NAV3: variants seen among roughly 807,000 people sequenced by gnomAD.
The protein encoded by NAV3 is neuron navigator 3, also known as pore membrane and/or filament interacting like protein 1.
NAV3 carries 87 observed loss-of-function variants against 244.7 expected under a neutral mutation model. That is an observed-to-expected ratio of 0.36 (90% confidence interval 0.30 to 0.42). NAV3 has a LOEUF of 0.42. NAV3 is among the 20% of genes least tolerant of loss of function. The pLI, the probability that NAV3 is intolerant of heterozygous loss-of-function variation, is 1.00. For missense variants in NAV3, 2,663 were observed against 2,893.3 expected, an observed-to-expected ratio of 0.92 and a Z score of 1.83; for synonymous variants, 1,126 against 1,042.2, an observed-to-expected ratio of 1.08 and a Z score of -1.55.
intron 5 of NAV3, among the ~76,000 whole-genome samples, chr12:77,979,858 T>C (rs923155715): frequency 6.6e-6 from 1 of 152,134 alleles, no homozygotes; most frequent in East Asian, 1.9e-4. Flanking sequence ...TGCTGTGTGC[T>C]ACACAGAAAG....
rs1874255667 is a variant in NAV3 at position 78,006,563 on chromosome 12, G to C, written c.1025G>C (p.Ser342Thr). The C allele has an allele frequency of 6.2e-7, 1 of 1,614,062 alleles. No individual in the cohort carries two copies. Among genetic ancestry groups the C allele is most frequent in the Non-Finnish European group, 8.5e-7 (1 of 1,180,024 alleles). ...WRSKSMNVKH[S>T]ATSTMLTVKQ... is the part of the protein sequence containing the mutation. ...AGCAAGTCCATGAATGTCAAACACA[G>C]TGCCACCTCCACCATGTTGACTGTA... The change falls in exon 8 of 40, where the codon AGT becomes ACT. Residue 342 changes from serine to threonine, a missense_variant. Ser to Thr is a moderately conservative substitution (Grantham distance 58). Around this residue, in one of 6 missense-constraint regions of NAV3, gnomAD observed 1,521 missense variants for 1,497.0 expected, o/e 1.02. Transcript: ENST00000397909.
intron 2 of NAV3, among the ~76,000 whole-genome samples, chr12:77,579,447 G>A (rs531648404): frequency 6.6e-6 from 1 of 152,336 alleles, no homozygotes; most frequent in South Asian, 2.1e-4. Context: ...CAGTGCTGAG[G>A]TGCTGGCACC....
chr12:77,784,495 G>A (rs1413709451), intron 2 of NAV3, among the ~76,000 whole-genome samples: 1 of 152,182 alleles, frequency 6.6e-6, no homozygotes, highest in Non-Finnish European at 1.5e-5. Flanking sequence ...GTTCATTGAA[G>A]TGGCAAATCT....
intron 4 of NAV3, among the ~76,000 whole-genome samples, chr12:77,968,165 G>A (rs967770975): frequency 6.6e-6 from 1 of 152,172 alleles, no homozygotes; most frequent in Non-Finnish European, 1.5e-5. Flanking sequence ...GTGTATATTT[G>A]TGAGGGAATC....
chr12:77,799,877 A>C (rs938717747), intron 2 of NAV3, among the ~76,000 whole-genome samples: 1 of 152,092 alleles, frequency 6.6e-6, no homozygotes, highest in Non-Finnish European at 1.5e-5. Flanking sequence ...TGTAGTTATA[A>C]TCTTTTATAT....
intron 2 of NAV3, among the ~76,000 whole-genome samples, chr12:77,660,890 A>G (rs1171157990): frequency 6.6e-6 from 1 of 152,130 alleles, no homozygotes; most frequent in Non-Finnish European, 1.5e-5. Context: ...TAATATTATA[A>G]AGCCTCATCC....
At chr12:77,783,224 C>G (rs919905183) in intron 2 of NAV3, 1 of 151,940 alleles carries the variant, frequency 6.6e-6, no homozygotes, top group African/African-American at 2.4e-5. Context: ...CGAGCATTCT[C>G]CTTTGTATTT....
chr12:78,022,797 A>G (rs1440917765), intron 9 of NAV3, among the ~76,000 whole-genome samples: 2 of 152,160 alleles, frequency 1.3e-5, no homozygotes, highest in Non-Finnish European at 2.9e-5. Context: ...AGCATTAGAC[A>G]TGACTACAGC....
intron 1 of NAV3, among the ~76,000 whole-genome samples, chr12:77,918,692 A>G (rs946661894): frequency 1.3e-5 from 2 of 152,002 alleles, no homozygotes; most frequent in Non-Finnish European, 2.9e-5. Flanking sequence ...CTCATTTGGT[A>G]CAGCTGGAAT....
chr12:77,876,607 T>C (rs1881883516), intron 1 of NAV3, among the ~76,000 whole-genome samples: 1 of 152,084 alleles, frequency 6.6e-6, no homozygotes, highest in African/African-American at 2.4e-5. Flanking sequence ...GCTTTTGCAA[T>C]TAGTGGAATC....
intron 7 of NAV3, among the ~76,000 whole-genome samples, chr12:78,003,985 G>A (rs1231428301): frequency 2.0e-5 from 3 of 152,210 alleles, no homozygotes; most frequent in South Asian, 4.1e-4. Context: ...TTGACTGTGC[G>A]ATAAATGTGG....
At chr12:77,754,035 C>G (rs758335781) in intron 2 of NAV3, among the ~76,000 whole-genome samples, 1 of 152,072 alleles carries the variant, frequency 6.6e-6, no homozygotes, top group Non-Finnish European at 1.5e-5. Context: ...AAGTTTGTTT[C>G]AGAAATAATT....
chr12:78,158,555 A>T (rs1424902788), intron 22 of NAV3, among the ~76,000 whole-genome samples: 1 of 152,158 alleles, frequency 6.6e-6, no homozygotes, highest in Non-Finnish European at 1.5e-5. Context: ...ATAAAATGTG[A>T]TGGAATATTA....
intron 2 of NAV3, among the ~76,000 whole-genome samples, chr12:77,578,902 T>TAA (rs34323694): frequency 3.1e-4 from 46 of 146,450 alleles, no homozygotes; most frequent in Middle Eastern, 3.6e-3. Flanking sequence ...TTCTATTCGT[T>TAA]AAAAAAAAAA....
intron 1 of NAV3, among the ~76,000 whole-genome samples, chr12:77,920,847 A>T (rs1887642405): frequency 6.6e-6 from 1 of 152,066 alleles, no homozygotes; most frequent in Admixed American, 6.6e-5. Flanking sequence ...CAGATTGATG[A>T]CTGATTCGTC....
chr12:78,135,873 G>A (rs1259515474), intron 18 of NAV3, among the ~76,000 whole-genome samples: 1 of 151,876 alleles, frequency 6.6e-6, no homozygotes, highest in Non-Finnish European at 1.5e-5. Flanking sequence ...TGTGCACTTT[G>A]GAGATTCATA....
chr12:77,835,855 C>T (rs1874533371), intron 1 of NAV3, among the ~76,000 whole-genome samples: 1 of 152,148 alleles, frequency 6.6e-6, no homozygotes, highest in Non-Finnish European at 1.5e-5. Flanking sequence ...TCTCTATTTC[C>T]GTCATAGCTC....
intron 22 of NAV3, among the ~76,000 whole-genome samples, chr12:78,156,349 AAAC>A (rs373389749): frequency 1.7e-4 from 26 of 152,156 alleles, no homozygotes; most frequent in African/African-American, 5.8e-4. Flanking sequence ...ATTTCATTGA[AAAC>A]AACACGACTC....
chr12:77,726,254 G>T (rs544483101), intron 2 of NAV3, among the ~76,000 whole-genome samples: 1 of 151,846 alleles, frequency 6.6e-6, no homozygotes, highest in Admixed American at 6.6e-5. Context: ...GGATTTTCTC[G>T]TGTTAGTGCT....
Sources: allele counts gnomAD v4.1 joint callset (sites outside exome capture counted in the v4.1 genomes callset), GRCh38; gene constraint gnomAD v4.1.1; regional missense constraint gnomAD v4.1.1; transcripts MANE v1.5; gene names NCBI Gene and HGNC (gene_info 2026-07-23, HGNC 2026-07-21).